R3HCC1: variants seen among roughly 807,000 people sequenced by gnomAD.
R3HCC1 encodes the protein R3H and coiled-coil domain-containing protein 1.
Under a neutral mutation model 40.0 loss-of-function variants are expected in R3HCC1, and 32 were observed. That is an observed-to-expected ratio of 0.80 (90% CI 0.60 to 1.07). The LOEUF is 1.07. R3HCC1 is among the 50% of genes least tolerant of loss of function. The pLI is 0.00. For synonymous variants in R3HCC1, 237 were observed against 232.8 expected, an observed-to-expected ratio of 1.02 and a Z score of -0.17; for missense variants, 586 against 563.3, an observed-to-expected ratio of 1.04 and a Z score of -0.41.
intron 2 of R3HCC1, 121 bp from the exon 3 acceptor site, chr8:23,288,895 C>A: frequency 8.5e-7 from 1 of 1,170,336 alleles, no homozygotes; most frequent in Non-Finnish European, 1.2e-6. Context: ...CCTTTGCAGT[C>A]CATCTGGGAC....
At chr8:23,291,235 C>G in intron 4 of R3HCC1, 126 bp from the exon 5 acceptor site, 8 of 1,362,746 alleles carry the variant, frequency 5.9e-6, no homozygotes, top group Non-Finnish European at 7.8e-6. Context: ...AGTCTGCCTG[C>G]TGCTGCCTTT....
At chr8:23,295,433 G>A (rs947034984) in intron 7 of R3HCC1, 11 of 456,658 alleles carry the variant, frequency 2.4e-5, no homozygotes, top group East Asian at 1.4e-4. Flanking sequence ...CCGTTATAGC[G>A]CCTCCTTTTC....
At position 23,294,833 on chromosome 8, in the gene R3HCC1, GCAGT is replaced by G; in HGVS notation, c.1164_1167del (p.Lys390SerfsTer13). On this transcript the variant is annotated frameshift_variant, in exon 7 of 8. Transcript: ENST00000265806. LOFTEE classifies it high-confidence loss of function. The stretch of plus-strand genomic sequence containing the variant: ...TCCGGCCCCTCACACAGGGAACCAA[GCAGT>G]CAAAGCTCAAAGCCTTGCAGAGGCC... The G allele has an allele frequency of 1.9e-6, 3 of 1,551,520 alleles. No homozygotes were observed. The highest frequency in any genetic ancestry group is 2.6e-6 in the Non-Finnish European group (3 of 1,146,942).
In R3HCC1 at chr8:23,296,051, A is replaced by G; in HGVS notation, c.1277A>G (p.His426Arg). 6.4e-7 allele frequency: 1 copy of G among 1,550,686 alleles called. No homozygotes were observed. Among genetic ancestry groups the G allele is most frequent in the African/African-American group, 1.4e-5 (1 of 73,174 alleles). Residue 426 changes from histidine to arginine, a missense_variant, in exon 8 of 8, where the codon CAC becomes CGC. By Grantham distance (29) the His-to-Arg change is conservative. Coordinates refer to ENST00000265806, the MANE Select transcript of R3HCC1 (RefSeq NM_001136108.3). ...GTGGCCCGGGCCCTGGGACTCCAAC[A>G]CAAAAAGAAAGAGCGGCCTGCTGTC...
intron 3 of R3HCC1, among the ~76,000 whole-genome samples, 153 bp from the exon 4 acceptor site, chr8:23,289,713 A>T (rs539497799): frequency 6.6e-6 from 1 of 152,338 alleles, no homozygotes; most frequent in African/African-American, 2.4e-5. Context: ...CTCCACTGTG[A>T]TGCCTTCCTA....
intron 3 of R3HCC1, among the ~76,000 whole-genome samples, chr8:23,289,380 AAGAG>A (rs1005681524): frequency 2.6e-5 from 4 of 152,122 alleles, no homozygotes; most frequent in South Asian, 2.1e-4. Flanking sequence ...GTTGGGCCAA[AAGAG>A]AGAGAGAGAT....
intron 4 of R3HCC1, chr8:23,291,137 G>GT: frequency 2.1e-6 from 1 of 469,762 alleles, no homozygotes; most frequent in East Asian, 3.3e-5. Flanking sequence ...CATTATGTGT[G>GT]TAATTGCCAG....
Position 23,290,098 on chromosome 8 carries a change from G to A in R3HCC1, c.481G>A (p.Ala161Thr). The A allele has an allele frequency of 6.4e-7, 1 of 1,550,600 alleles. No individual in the cohort carries two copies. The highest frequency in any genetic ancestry group is 8.7e-7 in the Non-Finnish European group (1 of 1,147,006). The stretch of plus-strand genomic sequence containing the variant: ...CTCTACCTCGGTGCTCAAGAGAGAG[G>A]CCCCAGCTGGCAGGGACCCAGAAGA... Residue 161 changes from alanine (A) to threonine (T), a missense_variant, in exon 4 of 8, where the codon GCC becomes ACC. Ala to Thr is a moderately conservative substitution (Grantham distance 58). Coordinates refer to ENST00000265806, the MANE Select transcript of R3HCC1 (RefSeq NM_001136108.3).
In R3HCC1 at chr8:23,289,910, C is replaced by A; in HGVS notation, c.293C>A (p.Ala98Asp). 1 of 1,533,962 alleles carries A rather than the reference C, an allele frequency of 6.5e-7. No individual in the cohort carries two copies. The highest frequency in any genetic ancestry group is 1.2e-5 in the South Asian group (1 of 83,798). The change falls in exon 4 of 8, where the codon GCC (alanine) becomes GAC (aspartate). Residue 98 changes from alanine to aspartate, a missense_variant. Ala to Asp is a moderately radical substitution (Grantham distance 126). Coordinates refer to ENST00000265806, the MANE Select transcript of R3HCC1 (RefSeq NM_001136108.3). ...CTCTCTGGCCCCTGCCGCGCTCCTG[C>A]CTCCTGCCCCAGCAGGTACCACGGT...
At chr8:23,291,323 G>T (rs1192689598) in intron 4 of R3HCC1, 38 bp from the exon 5 acceptor site, 1 of 1,536,766 alleles carries the variant, frequency 6.5e-7, no homozygotes, top group Non-Finnish European at 8.8e-7. Context: ...AGCTCTGCGT[G>T]TCCAAGCTCC....
intron 7 of R3HCC1, chr8:23,295,526 C>G (rs575622141): frequency 4.3e-6 from 2 of 460,916 alleles, no homozygotes; most frequent in African/African-American, 4.0e-5. Context: ...TAAAATGGAC[C>G]TGCAAGAGGC....
In R3HCC1 at chr8:23,295,982, TGAA is replaced by T. The variant is rs1189592211; in HGVS notation, c.1210_1212del (p.Lys404del). The T allele has an allele frequency of 3.2e-6, 5 of 1,550,286 alleles. No individual in the cohort carries two copies. The highest frequency in any genetic ancestry group is 4.4e-6 in the Non-Finnish European group (5 of 1,146,666). ...TTCCTTCTAGAACTCCTGCGTCTGG[TGAA>T]GGAGAGGCCACAGACAAATGCGACT... On this transcript the variant is annotated inframe_deletion, in exon 8 of 8. Transcript: ENST00000265806.
chr8:23,292,755 G>A lies in R3HCC1; in HGVS notation c.1026-548G>A, dbSNP rs577201043. On this transcript the variant is annotated intron_variant, in intron 5 of 7. Coordinates refer to ENST00000265806, the MANE Select transcript of R3HCC1 (RefSeq NM_001136108.3). Reference sequence around the variant, plus strand: ...TAGGGGCAACACGTTCTGCTCTTCTGTTCTCTACCTTGATGGTGCAGCCAG... The same window carrying A: ...TAGGGGCAACACGTTCTGCTCTTCTATTCTCTACCTTGATGGTGCAGCCAG... Among the ~76,000 whole-genome samples the A allele has an allele frequency of 2.4e-3, 373 of 152,368 alleles. 1 individual carries two copies. The highest frequency in any genetic ancestry group is 0.01 in the Middle Eastern group (3 of 294).
chr8:23,291,598 G>GT (rs1252608023), intron 5 of R3HCC1, 65 bp downstream of exon 5: 1 of 1,532,010 alleles, frequency 6.5e-7, no homozygotes, highest in Non-Finnish European at 8.8e-7. Context: ...GTAGCTGGGG[G>GT]TGCTTGCCTG....
chr8:23,295,874 C>A, intron 7 of R3HCC1, 93 bp from the exon 8 acceptor site: 1 of 1,443,132 alleles, frequency 6.9e-7, no homozygotes, highest in Non-Finnish European at 9.2e-7. Context: ...ACATGAGAGG[C>A]TGGCTCTGAT....
intron 1 of R3HCC1, 62 bp from the exon 2 acceptor site, chr8:23,288,444 G>C: frequency 1.3e-6 from 2 of 1,521,188 alleles, no homozygotes; most frequent in Non-Finnish European, 1.8e-6. Flanking sequence ...CCGGCGTTGC[G>C]GGGTCGCGGG....
chr8:23,292,106 C>T lies in R3HCC1; in HGVS notation c.1025+573C>T, dbSNP rs566801289. ...CATTTTGCCTTCTCCCCTTCCCCTTCTTTGTTCCTGCTCAGGCTTTCTTTC... is the reference window on the plus strand; with the variant it reads ...CATTTTGCCTTCTCCCCTTCCCCTTTTTTGTTCCTGCTCAGGCTTTCTTTC... On this transcript the variant is annotated intron_variant, in intron 5 of 7. Coordinates refer to ENST00000265806, the MANE Select transcript of R3HCC1 (RefSeq NM_001136108.3). Among the ~76,000 whole-genome samples the T allele has an allele frequency of 3.9e-5, 6 of 152,254 alleles. No homozygotes were observed. The South Asian group carries it at 8.3e-4, about 21-fold the overall frequency.
chr8:23,294,580 G>A (rs1452102549), intron 6 of R3HCC1, among the ~76,000 whole-genome samples, 189 bp from the exon 7 acceptor site: 1 of 152,198 alleles, frequency 6.6e-6, no homozygotes. Context: ...CCCTGTGCGG[G>A]CCTGTGGGGC....
At chr8:23,291,645 CAG>C in intron 5 of R3HCC1, 112 bp downstream of exon 5, 1 of 1,472,420 alleles carries the variant, frequency 6.8e-7, no homozygotes, top group Non-Finnish European at 9.1e-7. Context: ...GCAAGAGAGA[CAG>C]AAAGTGGGTG....
Sources: allele counts gnomAD v4.1 joint callset (sites outside exome capture counted in the v4.1 genomes callset), GRCh38; gene constraint gnomAD v4.1.1; transcripts MANE v1.5; gene names NCBI Gene and HGNC (gene_info 2026-07-23, HGNC 2026-07-21).